MALL: variants seen among roughly 807,000 people sequenced by gnomAD.
MALL encodes the protein mal, T cell differentiation protein like.
In MALL, 2 loss-of-function variants were observed where a neutral mutation model predicts 10.3. That is an observed-to-expected ratio of 0.19 (90% CI 0.08 to 0.61). MALL has a LOEUF of 0.61. Ranked by LOEUF, MALL falls within the 20% of genes least tolerant of loss-of-function variation. The pLI is 0.88. For synonymous variants in MALL, 27 were observed against 51.8 expected, an observed-to-expected ratio of 0.52 and a Z score of 2.05; for missense variants, 39 against 115.2, an observed-to-expected ratio of 0.34 and a Z score of 3.03.
rs532168421 is a variant in MALL, at chr2:110,110,726, G to A, written c.105+4962C>T. On this transcript the variant is annotated intron_variant, in intron 1 of 3. Transcript: ENST00000272462. ...CTCCCTAATTCATTCTATGAAGCCA[G>A]CATCACCCTAATATCAAAACCAGGA... is the stretch of plus-strand genomic sequence containing the variant. Among the ~76,000 whole-genome samples, 5 of 152,164 alleles carry A rather than the reference G, an allele frequency of 3.3e-5. 1 individual carries two copies. The South Asian group carries it at 1.0e-3, about 32-fold the overall frequency.
chr2:110,096,093 C>T (rs1298323664), intron 1 of MALL, among the ~76,000 whole-genome samples: 4 of 152,148 alleles, frequency 2.6e-5, no homozygotes, highest in Non-Finnish European at 5.9e-5. Flanking sequence ...ATACGCATAC[C>T]TGAGCACTAC....
At chr2:110,116,154 A>T (rs1488747385), upstream of MALL, 6 of 209,220 alleles carry the variant, frequency 2.9e-5, no homozygotes, top group South Asian at 3.7e-4. Context: ...CTGCTTGGCT[A>T]CGAGGGCTGC....
chr2:110,112,431 A>G (rs1678824940), intron 1 of MALL, among the ~76,000 whole-genome samples: 1 of 152,164 alleles, frequency 6.6e-6, no homozygotes, highest in South Asian at 2.1e-4. Flanking sequence ...AAGGACATGA[A>G]TAGACAATTC....
chr2:110,097,195 G>A (rs147135021), intron 1 of MALL, among the ~76,000 whole-genome samples: 1 of 151,958 alleles, frequency 6.6e-6, no homozygotes, highest in South Asian at 2.1e-4. Flanking sequence ...GCTAGGATTT[G>A]TGCAGAAAAA....
intron 1 of MALL, among the ~76,000 whole-genome samples, 164 bp downstream of exon 1, chr2:110,115,524 C>G (rs1678892997): frequency 6.7e-6 from 1 of 148,236 alleles, no homozygotes; most frequent in Non-Finnish European, 1.5e-5. Flanking sequence ...GGTCTGGGTC[C>G]GAGGCCGGTC....
chr2:110,096,981 C>T (rs1305642280), intron 1 of MALL, among the ~76,000 whole-genome samples: 1 of 151,812 alleles, frequency 6.6e-6, no homozygotes, highest in Non-Finnish European at 1.5e-5. Context: ...TTGTTTATTG[C>T]AGCCTGTTGA....
intron 1 of MALL, among the ~76,000 whole-genome samples, chr2:110,092,655 T>C (rs1678395453): frequency 8.5e-6 from 1 of 116,978 alleles, no homozygotes; most frequent in African/African-American, 2.7e-5. Flanking sequence ...TGTATACATA[T>C]GTAACAAACA....
chr2:110,114,765 CTCAGGGACAGCACTGCCAAAT>C (rs1444444098), intron 1 of MALL, among the ~76,000 whole-genome samples: 1 of 151,718 alleles, frequency 6.6e-6, no homozygotes, highest in Non-Finnish European at 1.5e-5. Context: ...TTCCCCCCTG[CTCAGGGACAGCACTGCCAAAT>C]TCAGGGCAGG....
chr2:110,095,014 C>T (rs1246315541), intron 1 of MALL, among the ~76,000 whole-genome samples: 1 of 137,410 alleles, frequency 7.3e-6, no homozygotes. Flanking sequence ...AATCAATGTT[C>T]TGCAGAAGAA....
At chr2:110,101,154 G>C (rs1678556179) in intron 1 of MALL, among the ~76,000 whole-genome samples, 2 of 152,268 alleles carry the variant, frequency 1.3e-5, no homozygotes, top group South Asian at 4.1e-4. Flanking sequence ...TGAAGCCTGA[G>C]CAGCCATCCT....
intron 1 of MALL, among the ~76,000 whole-genome samples, chr2:110,099,354 A>G (rs1678513757): frequency 6.6e-6 from 1 of 152,146 alleles, no homozygotes; most frequent in Admixed American, 6.5e-5. Flanking sequence ...CAAGTGTATT[A>G]ATTTGGGGGT....
At chr2:110,117,238 T>G (rs939105742), upstream of MALL, among the ~76,000 whole-genome samples, 18 of 152,092 alleles carry the variant, frequency 1.2e-4, no homozygotes, top group Admixed American at 5.9e-4. Flanking sequence ...TCTCCATGAA[T>G]CCCACATCTT....
chr2:110,116,873 G>A (rs1272620360), upstream of MALL, among the ~76,000 whole-genome samples: 1 of 152,130 alleles, frequency 6.6e-6, no homozygotes, highest in East Asian at 1.9e-4. Flanking sequence ...AGAGCATGTG[G>A]GGAAGATTGT....
chr2:110,116,619 A>G (rs1285262505), upstream of MALL: 4 of 152,352 alleles, frequency 2.6e-5, no homozygotes, highest in Non-Finnish European at 5.9e-5. Flanking sequence ...CTTGCCCCTA[A>G]CTGGGCTTGA....
At chr2:110,096,416 C>T (rs1678441373) in intron 1 of MALL, among the ~76,000 whole-genome samples, 2 of 152,076 alleles carry the variant, frequency 1.3e-5, no homozygotes, top group African/African-American at 4.8e-5. Context: ...GGGGGTCTCA[C>T]TGGCCCCTCT....
At chr2:110,106,714 C>T (rs964737360) in intron 1 of MALL, among the ~76,000 whole-genome samples, 3 of 152,116 alleles carry the variant, frequency 2.0e-5, no homozygotes, top group Non-Finnish European at 2.9e-5. Context: ...CATACGGGGG[C>T]ATTTTCCCTG....
At chr2:110,101,407 G>A (rs533483238) in intron 1 of MALL, among the ~76,000 whole-genome samples, 2 of 152,178 alleles carry the variant, frequency 1.3e-5, no homozygotes, top group South Asian at 4.1e-4. Context: ...AAGGCTAGCA[G>A]GAAATTGCCA....
At chr2:110,102,901 G>C (rs1160399180) in intron 1 of MALL, among the ~76,000 whole-genome samples, 1 of 152,152 alleles carries the variant, frequency 6.6e-6, no homozygotes, top group Non-Finnish European at 1.5e-5. Context: ...TGTCAGAAAG[G>C]ACAGTGCTCA....
At chr2:110,096,131 A>G (rs898473292) in intron 1 of MALL, among the ~76,000 whole-genome samples, 52 of 152,158 alleles carry the variant, frequency 3.4e-4, no homozygotes, top group African/African-American at 1.3e-3. Context: ...AAGTCCTGCT[A>G]CTCCTAGAAG....
Sources: allele counts gnomAD v4.1 joint callset (sites outside exome capture counted in the v4.1 genomes callset), GRCh38; gene constraint gnomAD v4.1.1; transcripts MANE v1.5; gene names NCBI Gene and HGNC (gene_info 2026-07-23, HGNC 2026-07-21).